SCCPDH: variants seen among roughly 807,000 people sequenced by gnomAD.
SCCPDH encodes the protein saccharopine dehydrogenase (putative), also known as saccharopine dehydrogenase-like oxidoreductase.
SCCPDH carries 34 observed loss-of-function variants against 51.5 expected under a neutral mutation model. The ratio of observed to expected loss-of-function variants is 0.66; its 90% confidence interval spans 0.50 to 0.88. The LOEUF is 0.88. Among genes scored for constraint, SCCPDH ranks in the 40% least tolerant of loss-of-function variants. The pLI is 0.00. For missense variants in SCCPDH, 464 were observed against 527.1 expected (o/e 0.88, Z 1.17); for synonymous variants, 187 against 191.3 (o/e 0.98, Z 0.19).
chr1:246,754,861 G>A (rs1049577959), intron 5 of SCCPDH, among the ~76,000 whole-genome samples: 1 of 152,058 alleles, frequency 6.6e-6, no homozygotes, highest in Non-Finnish European at 1.5e-5. Flanking sequence ...TAGCCAAAAT[G>A]TGTCAGTTTT....
rs570162790 is a variant in SCCPDH at position 246,750,059 on chromosome 1, AG to A, written c.564+5939del. On this transcript the variant is annotated intron_variant, in intron 5 of 11. Coordinates refer to ENST00000366510, the MANE Select transcript of SCCPDH (RefSeq NM_016002.3). ...CTGGAATAGCTGTCCATGATTCTGG[AG>A]GGGGTGGTGCTCTTTGGACCCAGGT... 2.1e-3 allele frequency among the ~76,000 whole-genome samples: 316 copies of A among 152,164 alleles called. 1 individual carries two copies. Among genetic ancestry groups the A allele is most frequent in the African/African-American group, 7.3e-3 (303 of 41,508 alleles).
chr1:246,747,345 G>A (rs960155344), intron 5 of SCCPDH, among the ~76,000 whole-genome samples: 2 of 152,086 alleles, frequency 1.3e-5, no homozygotes, highest in African/African-American at 4.8e-5. Context: ...ATGTGACCTG[G>A]GGTAATAGAG....
intron 3 of SCCPDH, among the ~76,000 whole-genome samples, chr1:246,739,328 C>CATA (rs1271692358): frequency 2.6e-5 from 4 of 152,116 alleles, no homozygotes; most frequent in Admixed American, 6.6e-5. Context: ...TTCCAAAACT[C>CATA]ATAATAATAA....
At position 246,766,044 on chromosome 1, in the gene SCCPDH, A is replaced by T; in HGVS notation, c.1103-14A>T. The stretch of plus-strand genomic sequence containing the variant: ...TGATTCCTTTCTTTTTCCCTGATCA[A>T]CTGTTTTCTGCAGAGGCTGGCTATG... On this transcript the variant is annotated splice_polypyrimidine_tract_variant and intron_variant, in intron 10 of 11. Transcript: ENST00000366510. The T allele has an allele frequency of 6.3e-7, 1 of 1,579,416 alleles. No individual in the cohort carries two copies. The highest frequency in any genetic ancestry group is 1.2e-5 in the South Asian group (1 of 86,762).
intron 5 of SCCPDH, among the ~76,000 whole-genome samples, chr1:246,749,113 A>T (rs1381979238): frequency 6.6e-6 from 1 of 152,064 alleles, no homozygotes; most frequent in East Asian, 1.9e-4. Context: ...GTCTTGCATG[A>T]CTCATCGCCT....
chr1:246,757,452 G>A (rs1668948046), intron 5 of SCCPDH, among the ~76,000 whole-genome samples: 1 of 115,816 alleles, frequency 8.6e-6, no homozygotes, highest in Non-Finnish European at 1.9e-5. Flanking sequence ...AGAGGTAAGG[G>A]TTGGGGAAGC....
chr1:246,757,537 A>G (rs573056714), intron 5 of SCCPDH, among the ~76,000 whole-genome samples: 1 of 152,212 alleles, frequency 6.6e-6, no homozygotes, highest in East Asian at 1.9e-4. Context: ...CAGTGAATAA[A>G]TGAGAGTCTG....
chr1:246,750,147 T>C (rs150277236), intron 5 of SCCPDH, among the ~76,000 whole-genome samples: 1,715 of 152,244 alleles, frequency 0.011, 22 homozygotes, highest in African/African-American at 0.039. Context: ...AAGCACTAGG[T>C]AGGGTCCTTC....
At chr1:246,758,150 CA>C (rs1668958934) in intron 5 of SCCPDH, 75 bp from the exon 6 acceptor site, 1 of 1,067,126 alleles carries the variant, frequency 9.4e-7, no homozygotes. Flanking sequence ...TTGTTTGTAA[CA>C]ATGATAAGTT....
chr1:246,754,010 G>A (rs1038888049), intron 5 of SCCPDH, among the ~76,000 whole-genome samples: 1 of 151,816 alleles, frequency 6.6e-6, no homozygotes, highest in Non-Finnish European at 1.5e-5. Flanking sequence ...GTCCTTCTTG[G>A]TCCCTGTCTT....
rs745528157 is a variant in SCCPDH, at chr1:246,767,226, T to C, written c.1216T>C (p.Ser406Pro). ...GGTCTTCACACCTGGAGCAGCTTTT[T>C]CCAAAACAAAGTTGATTGACAGACT... is the stretch of plus-strand genomic sequence containing the variant. ...GGVFTPGAAF[S>P]KTKLIDRLNK... Residue 406 changes from serine to proline, a missense_variant, in exon 12 of 12, where the codon TCC becomes CCC. Ser to Pro is a moderately conservative substitution (Grantham distance 74). Coordinates refer to ENST00000366510, the MANE Select transcript of SCCPDH (RefSeq NM_016002.3). 6.2e-7 allele frequency: 1 copy of C among 1,610,782 alleles called. No homozygotes were observed. The highest frequency in any genetic ancestry group is 1.7e-4 in the Middle Eastern group (1 of 6,054).
chr1:246,735,356 T>G (rs1668550098), intron 2 of SCCPDH, among the ~76,000 whole-genome samples: 1 of 152,208 alleles, frequency 6.6e-6, no homozygotes, highest in South Asian at 2.1e-4. Context: ...TGTATCTGGA[T>G]TTTTCTTTTT....
chr1:246,765,378 C>G (rs960766152), intron 10 of SCCPDH, among the ~76,000 whole-genome samples: 1 of 152,238 alleles, frequency 6.6e-6, no homozygotes, highest in Non-Finnish European at 1.5e-5. Context: ...CATGAATTGC[C>G]ATGCCTGGCC....
intron 3 of SCCPDH, among the ~76,000 whole-genome samples, chr1:246,738,295 G>A (rs975486560): frequency 1.7e-4 from 26 of 151,108 alleles, no homozygotes; most frequent in African/African-American, 6.1e-4. Context: ...GGCGGATCAC[G>A]AGGTCAAGAG....
chr1:246,736,946 CAGTAATGCACCT>C (rs200661177), intron 3 of SCCPDH, among the ~76,000 whole-genome samples: 3,723 of 152,076 alleles, frequency 0.024, 96 homozygotes, highest in African/African-American at 0.071. Context: ...GTAACTCACT[CAGTAATGCACCT>C]AGTAATGCAC....
In SCCPDH at chr1:246,743,540, G is replaced by A. The variant is rs373380583; in HGVS notation, c.515-536G>A. On this transcript the variant is annotated intron_variant, in intron 4 of 11. Transcript: ENST00000366510. ...GGAGGTTGCAGTGAGCCGAGATCAC[G>A]CCACTGCACTGCACTTCAGCCTGGG... Among the ~76,000 whole-genome samples, 11 of 150,042 alleles carry A rather than the reference G, an allele frequency of 7.3e-5. No individual in the cohort carries two copies. The East Asian group carries it at 1.0e-3, about 14-fold the overall frequency.
intron 4 of SCCPDH, among the ~76,000 whole-genome samples, chr1:246,743,235 G>A (rs1349213953): frequency 6.6e-6 from 1 of 152,054 alleles, no homozygotes; most frequent in Non-Finnish European, 1.5e-5. Flanking sequence ...TAGTAGGGTG[G>A]TAGTAGTAGT....
intron 3 of SCCPDH, among the ~76,000 whole-genome samples, chr1:246,739,040 CAA>C (rs1668639957): frequency 6.6e-6 from 1 of 151,796 alleles, no homozygotes; most frequent in Non-Finnish European, 1.5e-5. Context: ...TGTGCATGAG[CAA>C]GTGTGTGTGT....
intron 5 of SCCPDH, among the ~76,000 whole-genome samples, chr1:246,754,031 T>C (rs1668893778): frequency 6.6e-6 from 1 of 152,118 alleles, no homozygotes; most frequent in Admixed American, 6.5e-5. Context: ...GCTTGGGGTA[T>C]TTCCCATATT....
Sources: gnomAD v4.1 joint callset for allele counts (sites outside exome capture counted in the v4.1 genomes callset) on GRCh38, gnomAD v4.1.1 for gene constraint, MANE v1.5 for transcripts, NCBI Gene and HGNC (gene_info 2026-07-23, HGNC 2026-07-21) for gene names.